Variants in SPIN3 observed in about 807,000 individuals in gnomAD.
SPIN3 encodes spindlin family member 3.
For missense variants in SPIN3, 176 were observed against 196.4 expected, an observed-to-expected ratio of 0.90 and a Z score of 0.62; for synonymous variants, 74 against 74.3, an observed-to-expected ratio of 1.00 and a Z score of 0.02.
chrX:56,987,427 T>A (rs909524531), downstream of SPIN3, among the ~76,000 whole-genome samples: 6 of 111,370 alleles, frequency 5.4e-5, no homozygotes, highest in African/African-American at 2.0e-4. Context: ...CTGAAAACCT[T>A]TTGCTGAAGT....
At chrX:56,983,633 A>T (rs1371633886) in intron 3 of SPIN3, among the ~76,000 whole-genome samples, 2 of 112,716 alleles carry the variant, frequency 1.8e-5, no homozygotes, top group Non-Finnish European at 3.7e-5. Flanking sequence ...AGGCCAACGA[A>T]TATCTACAGT....
At position 56,994,660 on chromosome X, in the gene SPIN3, C is replaced by T. The variant is rs746453378; in HGVS notation, c.288G>A (p.Leu96=). 5.1e-5 allele frequency: 62 copies of T among 1,210,126 alleles called. No individual in the cohort carries two copies. The highest frequency in any genetic ancestry group is 6.6e-5 in the Non-Finnish European group (59 of 895,307). ...ACACTCTTTCATCTCTGTGAAGTTC[C>T]AATCCATAAACACAGTCAAATCCAT... The part of the protein sequence containing the change: ...KYDGFDCVYG[L]ELHRDERVSS... The change falls in exon 2 of 2, where the codon TTG becomes TTA. Residue 96 remains leucine, a synonymous_variant. Coordinates refer to ENST00000374919, the MANE Select transcript of SPIN3 (RefSeq NM_001010862.3).
chrX:56,981,628 A>T (rs1452584680), intron 3 of SPIN3: 1 of 111,882 alleles, frequency 8.9e-6, no homozygotes, highest in East Asian at 2.8e-4. Flanking sequence ...CTCTCTTATA[A>T]TTCCTATCAT....
In SPIN3 at chrX:56,993,982, G is replaced by A; in HGVS notation, c.*189C>T. 2.4e-6 allele frequency: 1 copy of A among 408,486 alleles called. No homozygotes were observed. The highest frequency in any genetic ancestry group is 2.5e-5 in the African/African-American group (1 of 40,207). 33.7% of individuals were successfully genotyped at this position (408,486 alleles called of 1,213,427 possible). On this transcript the variant is annotated 3_prime_UTR_variant, in exon 2 of 2. Coordinates refer to ENST00000374919, the MANE Select transcript of SPIN3 (RefSeq NM_001010862.3). ...TCAGTTAAATTGCGGAGAGGAACCA[G>A]TGAAAAGGTTGGACAGATGGGCAAA... is the stretch of plus-strand genomic sequence containing the variant.
chrX:56,978,799 A>G (rs765469119), intron 3 of SPIN3: 11 of 111,374 alleles, frequency 9.9e-5, no homozygotes, highest in Admixed American at 1.9e-4. Flanking sequence ...AATAATCTGA[A>G]AGCTCTGTAA....
chrX:56,994,975 G>A, intron 1 of SPIN3, 26 bp from the exon 2 acceptor site: 2 of 1,143,999 alleles, frequency 1.7e-6, no homozygotes, highest in African/African-American at 3.6e-5. Context: ...CAGTTGCCAG[G>A]TGGACCGAGA....
chrX:56,994,445 T>C lies in SPIN3; in HGVS notation c.503A>G (p.Lys168Arg). The C allele has an allele frequency of 8.3e-7, 1 of 1,211,639 alleles. No individual in the cohort carries two copies. Among genetic ancestry groups the C allele is most frequent in the South Asian group, 1.8e-5 (1 of 56,939 alleles). The change falls in exon 2 of 2, where the codon AAA becomes AGA. Residue 168 changes from lysine to arginine, a missense_variant. Physicochemically the swap from Lys to Arg is conservative, Grantham distance 26. Coordinates refer to ENST00000374919, the MANE Select transcript of SPIN3 (RefSeq NM_001010862.3). Reference protein sequence around the residue: ...MNTWFYITYEKDPVLYMYQLL... With the variant: ...MNTWFYITYERDPVLYMYQLL... ...CTGGTACATATATAATACAGGATCT[T>C]TCTCATAGGTAATGTAAAACCATGT...
chrX:56,984,657 C>T (rs980368881), intron 2 of SPIN3, among the ~76,000 whole-genome samples: 7 of 110,758 alleles, frequency 6.3e-5, no homozygotes, highest in African/African-American at 2.3e-4. Context: ...GTTTGTGTCT[C>T]CTCTTCTCTC....
chrX:56,987,400 T>A (rs983771281), downstream of SPIN3, among the ~76,000 whole-genome samples: 10 of 111,063 alleles, frequency 9.0e-5, no homozygotes, highest in East Asian at 8.5e-4. Context: ...TTTGCTAATA[T>A]CCACTCAGGC....
chrX:56,989,720 A>G (rs763553196), downstream of SPIN3, among the ~76,000 whole-genome samples: 83 of 111,337 alleles, frequency 7.5e-4, no homozygotes, highest in African/African-American at 2.3e-3. Context: ...CCTATTGTGA[A>G]CTGTGCATGC....
At chrX:56,980,562 A>C (rs1166140853) in intron 3 of SPIN3, 1 of 100,475 alleles carries the variant, frequency 1.0e-5, no homozygotes, top group Non-Finnish European at 2.0e-5. Flanking sequence ...AGAACTAAAA[A>C]TGTATCTCTC....
Position 56,992,247 on chromosome X carries a change from C to T in SPIN3, c.*1924G>A, listed in dbSNP as rs774620353. On this transcript the variant is annotated 3_prime_UTR_variant, in exon 2 of 2. Transcript: ENST00000374919. ...CAGGAGTTGAATTAATCTAACCCCA[C>T]AATTGCATGTCATACATATTAAAGA... 1 of 295,449 alleles carries T rather than the reference C, an allele frequency of 3.4e-6. No individual in the cohort carries two copies. Among genetic ancestry groups the T allele is most frequent in the African/African-American group, 2.8e-5 (1 of 36,360 alleles). 24.3% of individuals were successfully genotyped at this position (295,449 alleles called of 1,213,427 possible).
Position 56,992,760 on chromosome X carries a change from T to C in SPIN3, c.*1411A>G. The C allele has an allele frequency of 3.6e-6, 1 of 280,492 alleles. No homozygotes were observed. Among genetic ancestry groups the C allele is most frequent in the Non-Finnish European group, 6.3e-6 (1 of 159,765 alleles). 23.1% of individuals were successfully genotyped at this position (280,492 alleles called of 1,213,427 possible). A position where few individuals can be genotyped will look rare whatever the true frequency, so the allele number is the denominator to read the frequency against. On this transcript the variant is annotated 3_prime_UTR_variant, in exon 2 of 2. Transcript: ENST00000374919. ...CAGGTGCTTCTCTCAAAAACCATGC[T>C]TGTACTTCAACTTTTCTTTCCTAGG...
rs1029404019 is a variant in SPIN3, at chrX:56,991,299, G to A, written c.*2872C>T. On this transcript the variant is annotated 3_prime_UTR_variant, in exon 2 of 2. Coordinates refer to ENST00000374919, the MANE Select transcript of SPIN3 (RefSeq NM_001010862.3). Reference sequence around the variant, plus strand: ...CTTTGGGATTCCCCCACCCCAAGGAGAGATAGTTGGGTCTAGAAAGCAGAT... The same window carrying A: ...CTTTGGGATTCCCCCACCCCAAGGAAAGATAGTTGGGTCTAGAAAGCAGAT... 3.6e-5 allele frequency: 4 copies of A among 111,708 alleles called. No homozygotes were observed. Among genetic ancestry groups the A allele is most frequent in the Non-Finnish European group, 7.5e-5 (4 of 53,143 alleles). The allele number at this position is 111,708 out of a possible 1,213,427, so 9.2% of individuals were successfully genotyped here.
At chrX:56,986,086 T>A (rs1924215932), downstream of SPIN3, among the ~76,000 whole-genome samples, 1 of 111,541 alleles carries the variant, frequency 9.0e-6, no homozygotes, top group Admixed American at 9.6e-5. Context: ...ATTATTATTA[T>A]TTTTTTAATT....
At chrX:56,979,523 GT>G (rs1172434784) in intron 3 of SPIN3, 2 of 112,338 alleles carry the variant, frequency 1.8e-5, no homozygotes, top group African/African-American at 6.5e-5. Flanking sequence ...ATTTTGTTAT[GT>G]TCTATTTTTT....
In SPIN3 at chrX:56,994,749, G is replaced by A. The variant is rs1924445603; in HGVS notation, c.199C>T (p.Gln67Ter). The change falls in exon 2 of 2, where the codon CAG (glutamine) becomes TAG (stop). Residue 67 changes from glutamine (Q) to a stop codon, truncating the protein, a stop_gained. Transcript: ENST00000374919. LOFTEE classifies it low-confidence loss of function (END_TRUNC). ...GWKDGDEPLTQWKGTVLDQVP... is the reference protein window; with the variant it reads ...GWKDGDEPLT ...TGATCCAGAACGGTTCCTTTCCACT[G>A]TGTTAGAGGTTCATCTCCATCTTTC... The A allele has an allele frequency of 2.5e-6, 3 of 1,210,121 alleles. No individual in the cohort carries two copies. The highest frequency in any genetic ancestry group is 3.4e-6 in the Non-Finnish European group (3 of 895,251).
intron 3 of SPIN3, among the ~76,000 whole-genome samples, chrX:56,981,266 A>T (rs1853866): frequency 0.03 from 3,249 of 108,209 alleles, 120 homozygotes; most frequent in African/African-American, 0.1. Context: ...TGGGAGGCTG[A>T]GACAGAATTG....
rs1374060841 is a variant in SPIN3 at position 56,991,733 on chromosome X, G to C, written c.*2438C>G. The stretch of plus-strand genomic sequence containing the variant: ...GCTCCCATCAATGTAAGATTGGTGA[G>C]CAGTTGTTTTTGCCCCCAAGAGGCT... On this transcript the variant is annotated 3_prime_UTR_variant, in exon 2 of 2. Coordinates refer to ENST00000374919, the MANE Select transcript of SPIN3 (RefSeq NM_001010862.3). 1 of 120,045 alleles carries C rather than the reference G, an allele frequency of 8.3e-6. No individual in the cohort carries two copies. 9.9% of individuals were successfully genotyped at this position (120,045 alleles called of 1,213,427 possible). A position where few individuals can be genotyped will look rare whatever the true frequency, so the allele number is the denominator to read the frequency against.
Sources: allele counts gnomAD v4.1 joint callset (sites outside exome capture counted in the v4.1 genomes callset), GRCh38; gene constraint gnomAD v4.1.1; transcripts MANE v1.5; gene names NCBI Gene and HGNC (gene_info 2026-07-23, HGNC 2026-07-21).